CCAR2: variants seen among roughly 807,000 people sequenced by gnomAD.
The protein encoded by CCAR2 is cell cycle and apoptosis regulator protein 2.
Under a neutral mutation model 108.1 loss-of-function variants are expected in CCAR2, and 21 were observed. The observed-to-expected ratio is 0.19, with a 90% CI of 0.14 to 0.28. The LOEUF is 0.28. Ranked by LOEUF, CCAR2 falls within the 10% of genes least tolerant of loss-of-function variation. CCAR2 has a pLI of 1.00. For synonymous variants in CCAR2, 577 were observed against 472.8 expected (o/e 1.22, Z -2.86); for missense variants, 1,126 against 1,177.0 (o/e 0.96, Z 0.63).
intron 6 of CCAR2, 73 bp from the exon 7 acceptor site, chr8:22,607,896 G>T: frequency 8.4e-7 from 1 of 1,196,098 alleles, no homozygotes; most frequent in South Asian, 1.2e-5. Flanking sequence ...AAAGTGCTGG[G>T]ATTACAGGTG....
Position 22,619,539 on chromosome 8 carries a change from C to A in CCAR2, c.2728-99C>A, listed in dbSNP as rs375398631. ...TCTCTGGGAATTGAGCAGTCAGCAG[C>A]GTGCAGTGGGAGCTTCCCAGCAGGA... On this transcript the variant is annotated intron_variant, in intron 20 of 20. Coordinates refer to ENST00000308511, the MANE Select transcript of CCAR2 (RefSeq NM_001393997.1). 5.8e-5 allele frequency: 84 copies of A among 1,437,144 alleles called. 1 individual carries two copies. In the Middle Eastern group the frequency reaches 1.2e-3, roughly 21 times the overall value. The allele number at this position is 1,437,144 out of a possible 1,614,324, so 89.0% of individuals were successfully genotyped here. A position where few individuals can be genotyped will look rare whatever the true frequency, so the allele number is the denominator to read the frequency against.
chr8:22,616,614 G>C (rs1801518773), intron 14 of CCAR2: 1 of 253,678 alleles, frequency 3.9e-6, no homozygotes, highest in Non-Finnish European at 7.7e-6. Context: ...TCAGGAGTTT[G>C]AGACCAGCCT....
At chr8:22,614,344 G>A (rs114056123) in intron 9 of CCAR2, 30 bp downstream of exon 9, 1 of 1,613,938 alleles carries the variant, frequency 6.2e-7, no homozygotes, top group Non-Finnish European at 8.5e-7. Context: ...TCACTTATCT[G>A]ATTTCTGGAG....
chr8:22,607,466 G>GTTTT, intron 6 of CCAR2, 141 bp downstream of exon 6: 1 of 777,680 alleles, frequency 1.3e-6, no homozygotes, highest in Non-Finnish European at 1.9e-6. Flanking sequence ...AGGTGTTTAG[G>GTTTT]GTTTTTTTTT....
In CCAR2 at chr8:22,608,316, C is replaced by T. The variant is rs111956057; in HGVS notation, c.584+251C>T. On this transcript the variant is annotated intron_variant, in intron 7 of 20. Coordinates refer to ENST00000308511, the MANE Select transcript of CCAR2 (RefSeq NM_001393997.1). ...TGGTTAAGCAAGCAGGGAGTTGATA[C>T]AGTTCATCTTTCAAAATGTCATGTT... 2.1e-3 allele frequency among the ~76,000 whole-genome samples: 325 copies of T among 152,262 alleles called. 3 individuals carry two copies. The highest frequency in any genetic ancestry group is 7.5e-3 in the African/African-American group (310 of 41,544).
chr8:22,613,001 A>T lies in CCAR2; in HGVS notation c.585-16A>T. 1 of 1,609,796 alleles carries T rather than the reference A, an allele frequency of 6.2e-7. No individual in the cohort carries two copies. The highest frequency in any genetic ancestry group is 8.5e-7 in the Non-Finnish European group (1 of 1,178,424). ...ACAATGTGGTTTCTTACTGTTGGTGATGGGTCAACCTCTAGTGATGACTAT... is the reference window on the plus strand; with the variant it reads ...ACAATGTGGTTTCTTACTGTTGGTGTTGGGTCAACCTCTAGTGATGACTAT... On this transcript the variant is annotated splice_polypyrimidine_tract_variant and intron_variant, in intron 7 of 20. Coordinates refer to ENST00000308511, the MANE Select transcript of CCAR2 (RefSeq NM_001393997.1).
At chr8:22,615,658 GTC>G (rs754108125) in intron 12 of CCAR2, 22 bp from the exon 13 acceptor site, 1 of 1,613,652 alleles carries the variant, frequency 6.2e-7, no homozygotes, top group Admixed American at 1.7e-5. Context: ...GACCCAGAGG[GTC>G]TCATTTCAGC....
At chr8:22,605,567 C>T in intron 1 of CCAR2, 169 bp from the exon 2 acceptor site, 3 of 587,740 alleles carry the variant, frequency 5.1e-6, no homozygotes, top group Non-Finnish European at 9.1e-6. Flanking sequence ...AATGTAATTT[C>T]TTGTTTCATT....
chr8:22,619,973 C>G lies in CCAR2; in HGVS notation c.*291C>G. On this transcript the variant is annotated 3_prime_UTR_variant, in exon 21 of 21. Transcript: ENST00000308511. ...GTATTTCTCCTGGGGCCCTTTTAGTCTTGTGCTGACTTTCTCCTGTCCTCT... is the reference window on the plus strand; with the variant it reads ...GTATTTCTCCTGGGGCCCTTTTAGTGTTGTGCTGACTTTCTCCTGTCCTCT... 2.1e-6 allele frequency: 1 copy of G among 465,552 alleles called. No homozygotes were observed. The highest frequency in any genetic ancestry group is 3.9e-6 in the Non-Finnish European group (1 of 254,602). The allele number at this position is 465,552 out of a possible 1,614,324, so 28.8% of individuals were successfully genotyped here. A position where few individuals can be genotyped will look rare whatever the true frequency, so the allele number is the denominator to read the frequency against.
chr8:22,607,487 T>TTGA (rs1801121082), intron 6 of CCAR2, among the ~76,000 whole-genome samples, 162 bp downstream of exon 6: 2 of 149,644 alleles, frequency 1.3e-5, no homozygotes, highest in Non-Finnish European at 3.0e-5. Flanking sequence ...TTTTTTTTTT[T>TTGA]GATGGAGTCT....
At chr8:22,605,972 C>A in intron 2 of CCAR2, 113 bp from the exon 3 acceptor site, 2 of 1,269,920 alleles carry the variant, frequency 1.6e-6, no homozygotes, top group Non-Finnish European at 1.1e-6. Context: ...GCCAGTGAAG[C>A]TCTGTGGAGG....
intron 16 of CCAR2, chr8:22,618,072 C>T: frequency 1.7e-6 from 1 of 592,844 alleles, no homozygotes; most frequent in Non-Finnish European, 3.0e-6. Flanking sequence ...GAACATCAGG[C>T]AAGGTGCTTG....
rs1199806931 is a variant in CCAR2 at position 22,614,585 on chromosome 8, C to T, written c.1041+82C>T. 10 of 1,314,430 alleles carry T rather than the reference C, an allele frequency of 7.6e-6. No homozygotes were observed. In the East Asian group the frequency reaches 2.1e-4, roughly 27 times the overall value. The allele number at this position is 1,314,430 out of a possible 1,614,324, so 81.4% of individuals were successfully genotyped here. ...TGTTTTGAGTGTTCGGCTCCTGTTCCTGAATGCATAAAACGAGGCATCTCA... is the reference window on the plus strand; with the variant it reads ...TGTTTTGAGTGTTCGGCTCCTGTTCTTGAATGCATAAAACGAGGCATCTCA... On this transcript the variant is annotated intron_variant, in intron 10 of 20. Transcript: ENST00000308511.
intron 19 of CCAR2, 66 bp from the exon 20 acceptor site, chr8:22,619,084 C>T (rs757540940): frequency 3.8e-5 from 61 of 1,599,352 alleles, no homozygotes; most frequent in Non-Finnish European, 5.0e-5. Flanking sequence ...TGCTTAGGCT[C>T]AGGCCCTGCC....
chr8:22,610,600 T>C (rs890026744), intron 7 of CCAR2, among the ~76,000 whole-genome samples: 2 of 152,218 alleles, frequency 1.3e-5, no homozygotes, highest in Non-Finnish European at 2.9e-5. Flanking sequence ...ATTAGAAACA[T>C]GGGCTACTGA....
chr8:22,611,629 T>C (rs1024624556), intron 7 of CCAR2, among the ~76,000 whole-genome samples: 31 of 152,198 alleles, frequency 2.0e-4, no homozygotes, highest in African/African-American at 7.5e-4. Flanking sequence ...TGCATACTTT[T>C]TGCAATTTTA....
chr8:22,605,008 G>C (rs2117403400), intron 1 of CCAR2, 166 bp downstream of exon 1: 1 of 308,314 alleles, frequency 3.2e-6, no homozygotes, highest in Admixed American at 4.7e-5. Context: ...CTCGGCCTTG[G>C]GGGCGGGCGG....
rs1314907302 is a variant in CCAR2 at position 22,618,484 on chromosome 8, A to T, written c.2209A>T (p.Ser737Cys). The change falls in exon 17 of 21, where the codon AGT becomes TGT. Residue 737 changes from serine (S) to cysteine (C), a missense_variant. By Grantham distance (112) the Ser-to-Cys change is moderately radical. Transcript: ENST00000308511. ...CCTCCTTACCCTTGGGATCCGGCTC[A>T]GTGCAGAGCAGGTACCTTCTTTCCT... ...RILLTLGIRL[S>C]AEQAKQLVSR... 4.0e-5 allele frequency: 65 copies of T among 1,614,100 alleles called. 1 individual carries two copies. The Admixed American group carries it at 1.0e-3, about 26-fold the overall frequency.
Position 22,614,286 on chromosome 8 carries a change from C to T in CCAR2, c.899C>T (p.Ala300Val). 1.2e-6 allele frequency: 2 copies of T among 1,614,038 alleles called. No individual in the cohort carries two copies. The highest frequency in any genetic ancestry group is 1.3e-5 in the African/African-American group (1 of 75,048). The change falls in exon 9 of 21, where the codon GCA (alanine) becomes GTA (valine). Residue 300 changes from alanine (A) to valine (V), a missense_variant. Physicochemically the swap from Ala to Val is moderately conservative, Grantham distance 64. Around this residue, in one of 4 missense-constraint regions of CCAR2, gnomAD observed 1,013 missense variants for 993.9 expected, o/e 1.02. Coordinates refer to ENST00000308511, the MANE Select transcript of CCAR2 (RefSeq NM_001393997.1). ...GACGCTGGTGCTGAGCCCATCACTG[C>T]AGACAGTGACCCCGCTTATAGTTCG... ...APDAGAEPITADSDPAYSSKV... is the reference protein window; with the variant it reads ...APDAGAEPITVDSDPAYSSKV...
Sources: allele counts gnomAD v4.1 joint callset (sites outside exome capture counted in the v4.1 genomes callset), GRCh38; gene constraint gnomAD v4.1.1; regional missense constraint gnomAD v4.1.1; transcripts MANE v1.5; gene names NCBI Gene and HGNC (gene_info 2026-07-23, HGNC 2026-07-21).